MYH15: variants seen among roughly 807,000 people sequenced by gnomAD.
MYH15 encodes the protein myosin heavy chain 15, also known as myosin-15.
MYH15 carries 227 observed loss-of-function variants against 240.5 expected under a neutral mutation model. That is an observed-to-expected ratio of 0.94 (90% CI 0.85 to 1.05). The LOEUF (loss-of-function observed/expected upper bound fraction) is 1.05, where lower values mean the gene tolerates loss of function less well. MYH15 is among the 50% of genes least tolerant of loss of function. The pLI, the probability that MYH15 is intolerant of heterozygous loss-of-function variation, is 0.00. For synonymous variants in MYH15, 785 were observed against 796.7 expected, an observed-to-expected ratio of 0.99 and a Z score of 0.25; for missense variants, 2,217 against 2,247.5, an observed-to-expected ratio of 0.99 and a Z score of 0.27.
At chr3:108,512,541 CA>C (rs1182738669), upstream of MYH15, among the ~76,000 whole-genome samples, 21 of 152,258 alleles carry the variant, frequency 1.4e-4, no homozygotes, top group African/African-American at 5.1e-4. Context: ...TCCATTAATA[CA>C]TGTGTGTACA....
At chr3:108,441,706 A>G (rs898717412) in intron 22 of MYH15, among the ~76,000 whole-genome samples, 5 of 152,198 alleles carry the variant, frequency 3.3e-5, no homozygotes, top group African/African-American at 1.2e-4. Flanking sequence ...AAGTGCATGG[A>G]TGTACGTGTT....
At chr3:108,509,749 T>C (rs1416413248) in intron 1 of MYH15, among the ~76,000 whole-genome samples, 1 of 152,208 alleles carries the variant, frequency 6.6e-6, no homozygotes, top group Non-Finnish European at 1.5e-5. Flanking sequence ...AACACAGACA[T>C]GTAAAGGTAG....
In MYH15 at chr3:108,459,342, C is replaced by G. The variant is rs1286709716; in HGVS notation, c.2020+20G>C. The stretch of plus-strand genomic sequence containing the variant: ...CAAATCTATTTCCTAGTGTGAATTA[C>G]AAAGAAATCTAGTTCTTACCTGGTA... On this transcript the variant is annotated intron_variant, in intron 18 of 40. Coordinates refer to ENST00000693548, the MANE Select transcript of MYH15 (RefSeq NM_014981.3). 1.4e-6 allele frequency: 2 copies of G among 1,476,654 alleles called. No homozygotes were observed. The highest frequency in any genetic ancestry group is 1.9e-6 in the Non-Finnish European group (2 of 1,073,440). The allele number at this position is 1,476,654 out of a possible 1,614,324, so 91.5% of individuals were successfully genotyped here.
In MYH15 at chr3:108,462,604, A is replaced by C. The variant is rs573575508; in HGVS notation, c.1864+507T>G. Among the ~76,000 whole-genome samples, 16 of 152,224 alleles carry C rather than the reference A, an allele frequency of 1.1e-4. No individual in the cohort carries two copies. The South Asian group carries it at 3.1e-3, about 30-fold the overall frequency. ...AGTACTTTGTAAATTACAAACTACT[A>C]AACAAGATTAGTTGTCAGAATAGAA... is the stretch of plus-strand genomic sequence containing the variant. On this transcript the variant is annotated intron_variant, in intron 16 of 40. Transcript: ENST00000693548.
At chr3:108,412,124 T>C (rs558400439) in intron 30 of MYH15, among the ~76,000 whole-genome samples, 3 of 152,360 alleles carry the variant, frequency 2.0e-5, no homozygotes, top group African/African-American at 7.2e-5. Context: ...TGCCTGGGAC[T>C]GAGGGGTTTC....
At chr3:108,483,202 T>TA (rs58381577) in intron 11 of MYH15, among the ~76,000 whole-genome samples, 5,496 of 81,096 alleles carry the variant, frequency 0.068, 153 homozygotes, top group Middle Eastern at 0.14. Context: ...TCTGTCTCCA[T>TA]AAAAAAAAAA....
intron 7 of MYH15, among the ~76,000 whole-genome samples, chr3:108,495,393 C>T (rs908701592): frequency 5.3e-5 from 8 of 151,982 alleles, no homozygotes; most frequent in Admixed American, 3.9e-4. Context: ...TTAGGAAGTG[C>T]CTACTAAACT....
chr3:108,393,984 C>G, intron 36 of MYH15, 47 bp downstream of exon 36: 1 of 1,612,022 alleles, frequency 6.2e-7, no homozygotes, highest in Non-Finnish European at 8.5e-7. Context: ...GCCACTGCGC[C>G]AGTGAACTCT....
At chr3:108,467,594 G>A (rs968636208) in intron 14 of MYH15, among the ~76,000 whole-genome samples, 6 of 152,138 alleles carry the variant, frequency 3.9e-5, no homozygotes, top group African/African-American at 1.4e-4. Flanking sequence ...CCAATATCGT[G>A]AGAAATTTTC....
At chr3:108,539,313 G>A in the MYH15 span, among the ~76,000 whole-genome samples, 3 of 152,130 alleles carry the variant, frequency 2.0e-5, no homozygotes, top group Non-Finnish European at 4.4e-5. Context: ...TAACACTACC[G>A]TACTTAAGTT....
chr3:108,489,623 CGCTCCTTCAGTGGGTGACCA>C (rs1452059308), intron 9 of MYH15, among the ~76,000 whole-genome samples: 1 of 152,118 alleles, frequency 6.6e-6, no homozygotes, highest in African/African-American at 2.4e-5. Flanking sequence ...TCATTTCCTT[CGCTCCTTCAGTGGGTGACCA>C]GCCTCTCTGC....
intron 28 of MYH15, among the ~76,000 whole-genome samples, chr3:108,420,155 T>C (rs1038312117): frequency 9.2e-5 from 14 of 152,172 alleles, no homozygotes; most frequent in Non-Finnish European, 1.8e-4. Flanking sequence ...TAGTGGTTGA[T>C]AATAATGAAT....
At chr3:108,512,121 G>A (rs1183646828), upstream of MYH15, among the ~76,000 whole-genome samples, 3 of 152,124 alleles carry the variant, frequency 2.0e-5, no homozygotes, top group East Asian at 3.8e-4. Context: ...CCAGAGATGC[G>A]ACTGAAGGCA....
At chr3:108,413,509 T>C (rs1045252680) in intron 30 of MYH15, among the ~76,000 whole-genome samples, 1 of 152,196 alleles carries the variant, frequency 6.6e-6, no homozygotes, top group Non-Finnish European at 1.5e-5. Context: ...TGAGTAAACC[T>C]TGAATGATTA....
chr3:108,482,034 A>G (rs2083271674), intron 11 of MYH15, among the ~76,000 whole-genome samples: 1 of 152,014 alleles, frequency 6.6e-6, no homozygotes, highest in Non-Finnish European at 1.5e-5. Context: ...ACCAGGAAGG[A>G]GGCTGTAGTA....
chr3:108,474,887 G>A (rs919720206), intron 12 of MYH15, among the ~76,000 whole-genome samples: 5 of 152,134 alleles, frequency 3.3e-5, no homozygotes, highest in African/African-American at 7.2e-5. Flanking sequence ...ACAGGGCATT[G>A]TTTTAGATGC....
intron 2 of MYH15, among the ~76,000 whole-genome samples, chr3:108,503,708 G>A (rs191065294): frequency 6.6e-6 from 1 of 152,300 alleles, no homozygotes; most frequent in Non-Finnish European, 1.5e-5. Flanking sequence ...TGGTGGAAAC[G>A]TAAAATGGTA....
chr3:108,443,733 C>A (rs574138600), intron 22 of MYH15, among the ~76,000 whole-genome samples: 2 of 151,794 alleles, frequency 1.3e-5, no homozygotes, highest in Admixed American at 6.6e-5. Context: ...ACCCATAAAG[C>A]GACATGATGC....
the MYH15 span, among the ~76,000 whole-genome samples, chr3:108,545,902 T>C: frequency 6.6e-6 from 1 of 152,164 alleles, no homozygotes; most frequent in Non-Finnish European, 1.5e-5. Flanking sequence ...AATCTCCTAT[T>C]ACTGTATAAA....
Sources: gnomAD v4.1 joint callset for allele counts (sites outside exome capture counted in the v4.1 genomes callset) on GRCh38, gnomAD v4.1.1 for gene constraint, MANE v1.5 for transcripts, NCBI Gene and HGNC (gene_info 2026-07-23, HGNC 2026-07-21) for gene names.